KHDRBS2: variants seen among roughly 807,000 people sequenced by gnomAD.
KHDRBS2 encodes the protein KH RNA binding domain containing, signal transduction associated 2, also known as KH domain-containing, RNA-binding, signal transduction-associated protein 2.
KHDRBS2 carries 26 observed loss-of-function variants against 44.3 expected under a neutral mutation model. That is an observed-to-expected ratio of 0.59 (90% CI 0.43 to 0.81). KHDRBS2 has a LOEUF of 0.81. Among genes scored for constraint, KHDRBS2 ranks in the 40% least tolerant of loss-of-function variants. KHDRBS2 has a pLI of 0.00. For missense variants in KHDRBS2, 476 were observed against 433.1 expected, an observed-to-expected ratio of 1.10 and a Z score of -0.88; for synonymous variants, 194 against 151.1, an observed-to-expected ratio of 1.28 and a Z score of -2.08.
intron 2 of KHDRBS2, among the ~76,000 whole-genome samples, chr6:62,078,411 G>A (rs1451145807): frequency 2.0e-5 from 3 of 151,892 alleles, no homozygotes; most frequent in Non-Finnish European, 4.4e-5. Flanking sequence ...ATTAATAAAT[G>A]TGTAAAGTAT....
At chr6:61,678,072 C>A (rs1360960784), downstream of KHDRBS2, among the ~76,000 whole-genome samples, 1 of 150,352 alleles carries the variant, frequency 6.7e-6, no homozygotes, top group Non-Finnish European at 1.5e-5. Context: ...GGTTTAAAAC[C>A]CTGCTTTAAA....
intron 1 of KHDRBS2, among the ~76,000 whole-genome samples, chr6:62,251,562 C>CAATTCCCTTTTAACAAGTCCCTACTATTT (rs1297830220): frequency 6.6e-6 from 1 of 151,878 alleles, no homozygotes; most frequent in Admixed American, 6.6e-5. Flanking sequence ...CCTACACTTA[C>CAATTCCCTTTTAACAAGTCCCTACTATTT]AACAATTCTG....
At chr6:61,637,626 T>C in the KHDRBS2 span, among the ~76,000 whole-genome samples, 1 of 152,096 alleles carries the variant, frequency 6.6e-6, no homozygotes, top group East Asian at 1.9e-4. Flanking sequence ...TCCACAATGG[T>C]TGAACTAGTT....
chr6:62,221,069 C>A (rs1308029660), intron 1 of KHDRBS2, among the ~76,000 whole-genome samples: 1 of 151,612 alleles, frequency 6.6e-6, no homozygotes, highest in Admixed American at 6.6e-5. Context: ...CAATACGTGT[C>A]CACTGACACA....
intron 7 of KHDRBS2, among the ~76,000 whole-genome samples, chr6:61,711,791 A>C (rs1326696756): frequency 6.6e-6 from 1 of 151,916 alleles, no homozygotes; most frequent in Non-Finnish European, 1.5e-5. Flanking sequence ...TGAAATGGGA[A>C]TTATGATATA....
rs188973368 is a variant in KHDRBS2, at chr6:62,069,030, C to T, written c.220-21036G>A. On this transcript the variant is annotated intron_variant, in intron 2 of 8. Coordinates refer to ENST00000281156, the MANE Select transcript of KHDRBS2 (RefSeq NM_152688.4). ...CTTGTAAATTTCTGGAAAAAAGATA[C>T]TAGGGATTTTGATACAGATTGGATT... Among the ~76,000 whole-genome samples the T allele has an allele frequency of 1.1e-4, 16 of 151,572 alleles. No homozygotes were observed. In the East Asian group the frequency reaches 2.3e-3, roughly 22 times the overall value.
At chr6:62,081,854 T>A (rs1374375755) in intron 2 of KHDRBS2, among the ~76,000 whole-genome samples, 1 of 152,114 alleles carries the variant, frequency 6.6e-6, no homozygotes. Flanking sequence ...AAAAGAGAAA[T>A]TATATATAAT....
chr6:62,199,110 G>A (rs1429035960), intron 1 of KHDRBS2, among the ~76,000 whole-genome samples: 1 of 152,136 alleles, frequency 6.6e-6, no homozygotes, highest in Non-Finnish European at 1.5e-5. Flanking sequence ...AGCTGTCTAT[G>A]ACAGACCCAC....
intron 1 of KHDRBS2, among the ~76,000 whole-genome samples, chr6:62,282,981 C>T (rs1480684144): frequency 6.6e-6 from 1 of 152,046 alleles, no homozygotes; most frequent in Non-Finnish European, 1.5e-5. Context: ...ATGCACTTCC[C>T]AGAAGCAGAA....
At chr6:61,773,994 T>C (rs982609977) in intron 6 of KHDRBS2, among the ~76,000 whole-genome samples, 1 of 152,228 alleles carries the variant, frequency 6.6e-6, no homozygotes, top group African/African-American at 2.4e-5. Context: ...TTCTGTTCCA[T>C]TGATCTATAT....
chr6:61,906,098 G>A (rs1010187615), intron 4 of KHDRBS2, among the ~76,000 whole-genome samples: 28 of 151,802 alleles, frequency 1.8e-4, no homozygotes, highest in African/African-American at 5.1e-4. Flanking sequence ...CACCCGCCTC[G>A]GCCTCCCAAA....
chr6:62,190,581 T>C (rs555471712), intron 1 of KHDRBS2, among the ~76,000 whole-genome samples: 112 of 152,246 alleles, frequency 7.4e-4, no homozygotes, highest in Non-Finnish European at 1.3e-3. Flanking sequence ...CCATCTTTCA[T>C]CTTTTTAGAC....
At chr6:61,840,435 A>G (rs979540739) in intron 6 of KHDRBS2, among the ~76,000 whole-genome samples, 3 of 152,134 alleles carry the variant, frequency 2.0e-5, no homozygotes, top group Non-Finnish European at 4.4e-5. Context: ...AGCTACTTTA[A>G]GTTCTCTGGA....
intron 6 of KHDRBS2, among the ~76,000 whole-genome samples, chr6:61,741,465 A>T (rs971593710): frequency 6.6e-6 from 1 of 151,916 alleles, no homozygotes. Context: ...AGATAATTTT[A>T]AAAAATAATT....
chr6:61,925,658 G>A (rs1405949869), intron 4 of KHDRBS2, among the ~76,000 whole-genome samples: 3 of 151,552 alleles, frequency 2.0e-5, no homozygotes, highest in African/African-American at 4.9e-5. Context: ...GGAGGTTGAG[G>A]CGGCAGTGAG....
At chr6:61,649,671 A>C in the KHDRBS2 span, among the ~76,000 whole-genome samples, 3 of 152,172 alleles carry the variant, frequency 2.0e-5, no homozygotes, top group Non-Finnish European at 4.4e-5. Context: ...AAACTTAAGG[A>C]TCATACATAA....
chr6:62,254,513 A>G (rs1229388266), intron 1 of KHDRBS2, among the ~76,000 whole-genome samples: 1 of 152,086 alleles, frequency 6.6e-6, no homozygotes, highest in African/African-American at 2.4e-5. Context: ...GGCAAGAATG[A>G]TAAGATGGAA....
chr6:62,119,673 C>A (rs1335841320), intron 2 of KHDRBS2, among the ~76,000 whole-genome samples: 4 of 152,182 alleles, frequency 2.6e-5, no homozygotes, highest in Non-Finnish European at 5.9e-5. Context: ...CTCTGATAAG[C>A]CTTTCTTGCC....
intron 2 of KHDRBS2, among the ~76,000 whole-genome samples, chr6:62,054,116 C>T (rs1789728635): frequency 6.6e-6 from 1 of 152,044 alleles, no homozygotes; most frequent in South Asian, 2.1e-4. Flanking sequence ...ATTTCATCTG[C>T]ATATCCAATG....
Sources: allele counts gnomAD v4.1 joint callset (sites outside exome capture counted in the v4.1 genomes callset), GRCh38; gene constraint gnomAD v4.1.1; transcripts MANE v1.5; gene names NCBI Gene and HGNC (gene_info 2026-07-23, HGNC 2026-07-21).